Variants in ZNF469 observed in about 807,000 individuals in gnomAD.
ZNF469 encodes the protein zinc finger protein 469.
ZNF469 carries 1 observed loss-of-function variant against 1.0 expected under a neutral mutation model. The ratio of observed to expected loss-of-function variants is 1.00; its 90% confidence interval spans 0.35 to 4.73. The LOEUF (loss-of-function observed/expected upper bound fraction) is 4.73. Among genes scored for constraint, ZNF469 ranks in the 30% most tolerant of loss-of-function variants. ZNF469 has a pLI of 0.16. For synonymous variants in ZNF469, 2,703 were observed against 2,363.4 expected, an observed-to-expected ratio of 1.14 and a Z score of -4.17; for missense variants, 6,100 against 5,356.3, an observed-to-expected ratio of 1.14 and a Z score of -4.33.
At chr16:88,187,535 C>A in the ZNF469 span, among the ~76,000 whole-genome samples, 1 of 152,156 alleles carries the variant, frequency 6.6e-6, no homozygotes, top group Admixed American at 6.5e-5. Context: ...TGGCACCAGC[C>A]GGGACCCCAA....
At chr16:88,401,825 G>GTGGA (rs1599350861) in intron 1 of ZNF469, among the ~76,000 whole-genome samples, 1 of 151,012 alleles carries the variant, frequency 6.6e-6, no homozygotes, top group Non-Finnish European at 1.5e-5. Flanking sequence ...GGATGCTTGG[G>GTGGA]TGGATGGATG....
At chr16:88,249,660 T>C in the ZNF469 span, among the ~76,000 whole-genome samples, 1 of 152,046 alleles carries the variant, frequency 6.6e-6, no homozygotes, top group Non-Finnish European at 1.5e-5. Flanking sequence ...ATGGTCTCGA[T>C]CTCCTGACCT....
At chr16:88,273,021 G>A in the ZNF469 span, among the ~76,000 whole-genome samples, 1 of 151,100 alleles carries the variant, frequency 6.6e-6, no homozygotes, top group Non-Finnish European at 1.5e-5. Context: ...TGGACGGATG[G>A]ATGAATGGGT....
chr16:88,133,540 AAAAT>A, the ZNF469 span, among the ~76,000 whole-genome samples: 7 of 152,330 alleles, frequency 4.6e-5, no homozygotes, highest in South Asian at 2.1e-4. Flanking sequence ...TGTATTATTA[AAAAT>A]AAATAAAACC....
the ZNF469 span, among the ~76,000 whole-genome samples, chr16:88,248,748 G>A: frequency 2.6e-5 from 4 of 152,310 alleles, no homozygotes; most frequent in East Asian, 3.9e-4. Context: ...TGCAGATGAC[G>A]AGACGGGTAC....
At chr16:88,125,363 A>T in the ZNF469 span, among the ~76,000 whole-genome samples, 1 of 152,234 alleles carries the variant, frequency 6.6e-6, no homozygotes, top group Non-Finnish European at 1.5e-5. Context: ...AAGAATTGGT[A>T]CCAATCCTAT....
the ZNF469 span, among the ~76,000 whole-genome samples, chr16:88,250,207 G>T: frequency 6.6e-6 from 1 of 152,146 alleles, no homozygotes; most frequent in Non-Finnish European, 1.5e-5. Flanking sequence ...ACCTCCGTGG[G>T]ACTTCCCTCT....
At chr16:88,133,888 G>A in the ZNF469 span, among the ~76,000 whole-genome samples, 19 of 152,320 alleles carry the variant, frequency 1.2e-4, no homozygotes, top group East Asian at 3.7e-3. Context: ...GAGGTCAGGA[G>A]TTCGAGACCA....
the ZNF469 span, among the ~76,000 whole-genome samples, chr16:88,321,575 A>C: frequency 4.0e-5 from 6 of 148,742 alleles, no homozygotes; most frequent in African/African-American, 7.6e-5. Flanking sequence ...TGGCCCTCGG[A>C]TTCTGCTCAT....
chr16:88,262,999 C>T, the ZNF469 span, among the ~76,000 whole-genome samples: 4 of 152,198 alleles, frequency 2.6e-5, no homozygotes, highest in Non-Finnish European at 5.9e-5. The surrounding 1 kb of genome is among the most constrained non-coding windows in gnomAD (Gnocchi z 4.3). Flanking sequence ...GGGGATCGTT[C>T]GCAGAAATGC....
intron 1 of ZNF469, among the ~76,000 whole-genome samples, chr16:88,405,913 G>A (rs1328088208): frequency 6.6e-6 from 1 of 152,192 alleles, no homozygotes; most frequent in Non-Finnish European, 1.5e-5. Flanking sequence ...CCCGACCCCC[G>A]CCCCCAAAAC....
At chr16:88,188,365 G>C in the ZNF469 span, among the ~76,000 whole-genome samples, 1 of 152,294 alleles carries the variant, frequency 6.6e-6, no homozygotes, top group East Asian at 1.9e-4. Context: ...TGTCTGTGTA[G>C]ACCTGGGGTG....
At chr16:88,403,531 G>T (rs1171583143) in intron 1 of ZNF469, among the ~76,000 whole-genome samples, 1 of 152,034 alleles carries the variant, frequency 6.6e-6, no homozygotes, top group African/African-American at 2.4e-5. Context: ...CTGCAGCCGG[G>T]CCTGTGAGCT....
the ZNF469 span, among the ~76,000 whole-genome samples, chr16:88,332,326 C>T: frequency 3.3e-5 from 5 of 152,194 alleles, no homozygotes; most frequent in Non-Finnish European, 4.4e-5. Flanking sequence ...AGGATGACAC[C>T]GTCTGTGTGG....
chr16:88,229,817 GC>G, the ZNF469 span, among the ~76,000 whole-genome samples: 1 of 152,122 alleles, frequency 6.6e-6, no homozygotes, highest in Non-Finnish European at 1.5e-5. Context: ...CCTCCACTCT[GC>G]CCCGCTGTGG....
At chr16:88,399,340 C>A (rs1904789131) in intron 1 of ZNF469, among the ~76,000 whole-genome samples, 1 of 152,246 alleles carries the variant, frequency 6.6e-6, no homozygotes, top group South Asian at 2.1e-4. Flanking sequence ...CAAGGATACA[C>A]TCCATGTCTG....
In ZNF469 at chr16:88,430,389, C is replaced by A; in HGVS notation, c.2919C>A (p.Gly973=). The A allele has an allele frequency of 6.6e-7, 1 of 1,516,654 alleles. No homozygotes were observed. The highest frequency in any genetic ancestry group is 8.8e-7 in the Non-Finnish European group (1 of 1,136,320). 93.9% of individuals were successfully genotyped at this position (1,516,654 alleles called of 1,614,324 possible). The part of the protein sequence containing the change: ...AAEGSGSGGG[G]RASGLRPRRN... ...AGGGGTCGGGGTCGGGCGGCGGCGGCAGAGCCTCCGGCCTGAGGCCCCGGA... is the reference window on the plus strand; with the variant it reads ...AGGGGTCGGGGTCGGGCGGCGGCGGAAGAGCCTCCGGCCTGAGGCCCCGGA... Residue 973 remains glycine, a synonymous_variant, in exon 3 of 3, where the codon GGC becomes GGA. Coordinates refer to ENST00000565624, the MANE Select transcript of ZNF469 (RefSeq NM_001367624.2).
chr16:88,426,089 A>G (rs553773089), intron 2 of ZNF469, among the ~76,000 whole-genome samples: 2 of 152,350 alleles, frequency 1.3e-5, no homozygotes, highest in East Asian at 3.9e-4. Flanking sequence ...CGGGAGGGGC[A>G]TGAGACACCA....
chr16:88,154,850 C>T, the ZNF469 span, among the ~76,000 whole-genome samples: 439 of 152,276 alleles, frequency 2.9e-3, 3 homozygotes, highest in African/African-American at 9.6e-3. Flanking sequence ...TGGGTCTTCT[C>T]GCTCCAGATC....
Sources: gnomAD v4.1 joint callset for allele counts (sites outside exome capture counted in the v4.1 genomes callset) on GRCh38, gnomAD v4.1.1 for gene constraint, Gnocchi (gnomAD v3.1) non-coding constraint, MANE v1.5 for transcripts, NCBI Gene and HGNC (gene_info 2026-07-23, HGNC 2026-07-21) for gene names.